Variants in NLRP7 observed in about 807,000 individuals in gnomAD.
The protein encoded by NLRP7 is NLR family pyrin domain containing 7, also known as NACHT, LRR and PYD domains-containing protein 7.
NLRP7 carries 72 observed loss-of-function variants against 85.5 expected under a neutral mutation model. That is an observed-to-expected ratio of 0.84 (90% CI 0.70 to 1.02). The LOEUF (loss-of-function observed/expected upper bound fraction) is 1.02, where lower values mean the gene tolerates loss of function less well. NLRP7 is among the 50% of genes least tolerant of loss of function. NLRP7 has a pLI of 0.00. For synonymous variants in NLRP7, 550 were observed against 505.2 expected (o/e 1.09, Z -1.19); for missense variants, 1,243 against 1,219.5 (o/e 1.02, Z -0.29).
At chr19:54,943,470 G>A (rs917815588) in intron 1 of NLRP7, among the ~76,000 whole-genome samples, 12 of 150,526 alleles carry the variant, frequency 8.0e-5, no homozygotes, top group East Asian at 2.0e-4. Context: ...GCGTGGTGGC[G>A]GGCGCCTGTA....
At chr19:54,936,158 G>T (rs553148365) in intron 6 of NLRP7, 103 bp downstream of exon 6, 3 of 1,000,664 alleles carry the variant, frequency 3.0e-6, no homozygotes, top group Admixed American at 3.8e-5. Flanking sequence ...TACATTCCCT[G>T]TCTGGGACGG....
At chr19:54,958,972 T>C (rs1240828612) in intron 1 of NLRP7, among the ~76,000 whole-genome samples, 1 of 152,058 alleles carries the variant, frequency 6.6e-6, no homozygotes, top group Non-Finnish European at 1.5e-5. Context: ...TGTTCTTCTA[T>C]ACAATGCCTG....
At chr19:54,939,914 C>T (rs374089788) in exon 4 of NLRP7, 31 of 1,614,122 alleles carry the variant, frequency 1.9e-5, no homozygotes, top group Admixed American at 6.7e-5. Context: ...TGCCCTGGGC[C>T]GCGTGGTGAC....
At chr19:54,951,954 A>G (rs1374769130), upstream of NLRP7, among the ~76,000 whole-genome samples, 1 of 151,854 alleles carries the variant, frequency 6.6e-6, no homozygotes, top group Non-Finnish European at 1.5e-5. Flanking sequence ...CGGTTTCACC[A>G]TGTTAGCCAG....
chr19:54,939,550 C>A, exon 4 of NLRP7: 2 of 1,613,232 alleles, frequency 1.2e-6, no homozygotes, highest in Non-Finnish European at 1.7e-6. Context: ...TCTGCGCCCA[C>A]AGGCCCTGCG....
chr19:54,935,290 C>A (rs569419793), intron 6 of NLRP7, among the ~76,000 whole-genome samples: 1 of 151,996 alleles, frequency 6.6e-6, no homozygotes, highest in Non-Finnish European at 1.5e-5. Flanking sequence ...AGTGCAGTGG[C>A]ATGATCACAG....
At chr19:54,937,646 C>A (rs1405904572) in intron 5 of NLRP7, among the ~76,000 whole-genome samples, 1 of 151,746 alleles carries the variant, frequency 6.6e-6, no homozygotes, top group African/African-American at 2.4e-5. Flanking sequence ...GCCTATAATC[C>A]CAGCACTTTG....
At chr19:54,937,663 C>T (rs766956528) in intron 5 of NLRP7, among the ~76,000 whole-genome samples, 4 of 151,916 alleles carry the variant, frequency 2.6e-5, no homozygotes, top group Non-Finnish European at 4.4e-5. Context: ...TTTGGAAGGC[C>T]GAGGCAGGCA....
At chr19:54,958,517 TGCCTGTAA>T (rs1337400137) in intron 1 of NLRP7, among the ~76,000 whole-genome samples, 6 of 151,440 alleles carry the variant, frequency 4.0e-5, no homozygotes, top group Admixed American at 3.3e-4. Flanking sequence ...TAGTGGTGCA[TGCCTGTAA>T]TCCCAGCTAC....
chr19:54,925,097 T>C (rs879379024), intron 9 of NLRP7, among the ~76,000 whole-genome samples: 1 of 152,064 alleles, frequency 6.6e-6, no homozygotes, highest in Admixed American at 6.6e-5. Context: ...GTGGAGACAC[T>C]GGCTTGCTAT....
intron 9 of NLRP7, among the ~76,000 whole-genome samples, chr19:54,924,936 C>A: frequency 6.6e-6 from 1 of 152,022 alleles, no homozygotes; most frequent in Admixed American, 6.6e-5. Context: ...GACTCTGCCT[C>A]CAAATAAATA....
intron 9 of NLRP7, 59 bp downstream of exon 10, chr19:54,927,546 A>T: frequency 3.3e-5 from 48 of 1,469,872 alleles, no homozygotes; most frequent in Middle Eastern, 1.7e-4. Flanking sequence ...ACAGAGCACG[A>T]CTCCATCTCA....
At chr19:54,924,656 T>C (rs923781250) in intron 9 of NLRP7, among the ~76,000 whole-genome samples, 1 of 151,762 alleles carries the variant, frequency 6.6e-6, no homozygotes, top group Non-Finnish European at 1.5e-5. Context: ...ATAATCAGGC[T>C]GGTGCACGGT....
chr19:54,943,481 G>A (rs2069326587), intron 1 of NLRP7, among the ~76,000 whole-genome samples: 1 of 150,766 alleles, frequency 6.6e-6, no homozygotes, highest in Non-Finnish European at 1.5e-5. Context: ...GGCGCCTGTA[G>A]TCCCAGCTAC....
chr19:54,936,801 G>C (rs914423544), intron 5 of NLRP7, among the ~76,000 whole-genome samples: 1 of 152,138 alleles, frequency 6.6e-6, no homozygotes, highest in African/African-American at 2.4e-5. Flanking sequence ...TGTAGTCCCA[G>C]GTATTCGGGA....
intron 8 of NLRP7, among the ~76,000 whole-genome samples, chr19:54,932,440 T>A (rs1320686126): frequency 1.2e-4 from 16 of 131,800 alleles, no homozygotes; most frequent in African/African-American, 1.4e-4. Context: ...AAAAAAAAAA[T>A]GAATCTCAGA....
At chr19:54,954,615 C>T (rs929566711) in intron 1 of NLRP7, among the ~76,000 whole-genome samples, 2 of 151,116 alleles carry the variant, frequency 1.3e-5, no homozygotes, top group Admixed American at 6.6e-5. Flanking sequence ...GAGGCCGAGG[C>T]GGGCATATCA....
upstream of NLRP7, among the ~76,000 whole-genome samples, chr19:54,951,026 A>C (rs924183599): frequency 6.6e-6 from 1 of 152,216 alleles, no homozygotes; most frequent in African/African-American, 2.4e-5. Context: ...GCTGCCTTCA[A>C]GCATTTGTTT....
chr19:54,938,419 A>C (rs2069040415), intron 4 of NLRP7, among the ~76,000 whole-genome samples, 178 bp from the exon 5 acceptor site: 1 of 141,482 alleles, frequency 7.1e-6, no homozygotes, highest in Admixed American at 6.8e-5. Flanking sequence ...TAAGTTTTAC[A>C]AAAAAAATAA....
Sources: allele counts gnomAD v4.1 joint callset (sites outside exome capture counted in the v4.1 genomes callset), GRCh38; gene constraint gnomAD v4.1.1; transcripts MANE v1.5; gene names NCBI Gene and HGNC (gene_info 2026-07-23, HGNC 2026-07-21).